RELCH: variants seen among roughly 807,000 people sequenced by gnomAD.
The protein encoded by RELCH is RAB11-binding protein RELCH.
In RELCH, 41 loss-of-function variants were observed where a neutral mutation model predicts 150.3. The observed-to-expected ratio is 0.27, with a 90% CI of 0.21 to 0.35. The LOEUF (loss-of-function observed/expected upper bound fraction) is 0.35. Among genes scored for constraint, RELCH ranks in the 10% least tolerant of loss-of-function variants. The probability of loss-of-function intolerance (pLI) is 1.00; values close to 1 mark genes in which losing one functional copy is unlikely to be tolerated. For missense variants in RELCH, 1,092 were observed against 1,467.8 expected (o/e 0.74, Z 4.18); for synonymous variants, 478 against 531.8 (o/e 0.90, Z 1.39).
At position 62,283,993 on chromosome 18, in the gene RELCH, A is replaced by C. The variant is rs189308493; in HGVS notation, c.3253+1549A>C. ...CTGTGTGCCGTGTCATATAGTTAAAACTTTTCTAGAGCATGATTTGACCTT... is the reference window on the plus strand; with the variant it reads ...CTGTGTGCCGTGTCATATAGTTAAACCTTTTCTAGAGCATGATTTGACCTT... On this transcript the variant is annotated intron_variant, in intron 25 of 28. Coordinates refer to ENST00000644646, the MANE Select transcript of RELCH (RefSeq NM_001346231.2). Among the ~76,000 whole-genome samples, 28 of 152,248 alleles carry C rather than the reference A, an allele frequency of 1.8e-4. 1 individual carries two copies. The highest frequency in any genetic ancestry group is 3.4e-3 in the Middle Eastern group (1 of 294).
intron 15 of RELCH, among the ~76,000 whole-genome samples, chr18:62,260,193 C>CAAAAAAAAAAAAAAAAAAAAAA (rs377119786): frequency 6.3e-5 from 6 of 95,802 alleles, no homozygotes; most frequent in African/African-American, 1.2e-4. Flanking sequence ...AACTCAACAG[C>CAAAAAAAAAAAAAAAAAAAAAA]AAAAAAAAAA....
intron 27 of RELCH, among the ~76,000 whole-genome samples, chr18:62,297,614 T>C (rs1188619489): frequency 1.3e-5 from 2 of 152,226 alleles, no homozygotes; most frequent in African/African-American, 2.4e-5. Context: ...GTTTCCCACA[T>C]GATGCATGAT....
intron 1 of RELCH, among the ~76,000 whole-genome samples, chr18:62,200,307 G>A (rs993968943): frequency 6.6e-6 from 1 of 152,232 alleles, no homozygotes; most frequent in South Asian, 2.1e-4. Flanking sequence ...GCTTCCTTAA[G>A]GCAAGGACAA....
chr18:62,187,894 ACTT>A lies in RELCH; in HGVS notation c.392_394del (p.Phe131del). The A allele has an allele frequency of 1.3e-6, 2 of 1,595,590 alleles. No individual in the cohort carries two copies. Among genetic ancestry groups the A allele is most frequent in the Non-Finnish European group, 1.7e-6 (2 of 1,171,964 alleles). On this transcript the variant is annotated inframe_deletion, in exon 1 of 29. Transcript: ENST00000644646. The stretch of plus-strand genomic sequence containing the variant: ...CGGGAGCTGCCTCGGCTGCGCGACT[ACTT>A]CTCCAATCCAGGCAACTTCGAGAGG...
rs1288114655 is a variant in RELCH, at chr18:62,221,556, T to G, written c.858+59T>G. 9.6e-6 allele frequency: 7 copies of G among 728,406 alleles called. No homozygotes were observed. In the Admixed American group the frequency reaches 2.2e-4, roughly 23 times the overall value. 45.1% of individuals were successfully genotyped at this position (728,406 alleles called of 1,614,324 possible). ...TTCTACACTTATAATTCACTTTTTC[T>G]TTTACGTAGTTTCTTTTTTTTTTTT... On this transcript the variant is annotated intron_variant, in intron 5 of 28. Transcript: ENST00000644646.
rs781198449 is a variant in RELCH, at chr18:62,306,772, T to A, written c.*1238T>A. ...ATGTGAGGCCTTTTTGAAAAATGAATATTTTGATAAAAAGAATTCTTGTTT... is the reference window on the plus strand; with the variant it reads ...ATGTGAGGCCTTTTTGAAAAATGAAAATTTTGATAAAAAGAATTCTTGTTT... On this transcript the variant is annotated 3_prime_UTR_variant, in exon 29 of 29. Transcript: ENST00000644646. 1 of 152,610 alleles carries A rather than the reference T, an allele frequency of 6.6e-6. No homozygotes were observed. Among genetic ancestry groups the A allele is most frequent in the Non-Finnish European group, 1.5e-5 (1 of 68,016 alleles). The allele number at this position is 152,610 out of a possible 1,614,324, so 9.5% of individuals were successfully genotyped here.
chr18:62,290,175 T>G (rs1447927891), intron 26 of RELCH, among the ~76,000 whole-genome samples: 1 of 152,246 alleles, frequency 6.6e-6, no homozygotes, highest in Non-Finnish European at 1.5e-5. Flanking sequence ...GATTTTTTTC[T>G]TAGTGAAATT....
chr18:62,201,957 A>G (rs565558484), intron 1 of RELCH, among the ~76,000 whole-genome samples: 1 of 152,230 alleles, frequency 6.6e-6, no homozygotes. Flanking sequence ...AAAATATTAA[A>G]TGTAAATATA....
intron 1 of RELCH, among the ~76,000 whole-genome samples, chr18:62,194,562 CTG>C (rs964172774): frequency 1.4e-4 from 21 of 152,194 alleles, no homozygotes; most frequent in African/African-American, 5.1e-4. Context: ...TTGTATAAAA[CTG>C]TGCTCAGTAC....
At chr18:62,192,884 T>C (rs542613575) in intron 1 of RELCH, among the ~76,000 whole-genome samples, 12 of 152,232 alleles carry the variant, frequency 7.9e-5, no homozygotes, top group Non-Finnish European at 4.4e-5. Context: ...TTTGGTTCCA[T>C]ATGAATTTTA....
In RELCH at chr18:62,255,348, T is replaced by G. The variant is rs1200294856; in HGVS notation, c.1825-59T>G. 5.3e-6 allele frequency: 6 copies of G among 1,125,390 alleles called. No homozygotes were observed. The African/African-American group carries it at 7.6e-5, about 14-fold the overall frequency. 69.7% of individuals were successfully genotyped at this position (1,125,390 alleles called of 1,614,324 possible). On this transcript the variant is annotated intron_variant, in intron 12 of 28. Transcript: ENST00000644646. Reference sequence around the variant, plus strand: ...GGATTTGTGGTGAAATGTAATTCTCTTTTGAAGGAAGGGAGGGTATGCTGT... The same window carrying G: ...GGATTTGTGGTGAAATGTAATTCTCGTTTGAAGGAAGGGAGGGTATGCTGT...
At chr18:62,303,775 A>G (rs1356936450) in intron 28 of RELCH, among the ~76,000 whole-genome samples, 2 of 152,214 alleles carry the variant, frequency 1.3e-5, no homozygotes, top group Non-Finnish European at 1.5e-5. Flanking sequence ...AAAACAAGAA[A>G]TAGATTGCTA....
At chr18:62,220,997 G>C (rs754162068) in intron 2 of RELCH, 40 bp from the exon 3 acceptor site, 1 of 1,496,514 alleles carries the variant, frequency 6.7e-7, no homozygotes, top group Non-Finnish European at 9.2e-7. Context: ...CCTTTTCTTG[G>C]TTGGATGCCT....
At chr18:62,220,473 T>C (rs1365543463) in intron 2 of RELCH, among the ~76,000 whole-genome samples, 2 of 151,826 alleles carry the variant, frequency 1.3e-5, no homozygotes, top group African/African-American at 4.8e-5. Context: ...TTGTTAAATA[T>C]TGAAACCATA....
Position 62,187,874 on chromosome 18 carries a change from G to C in RELCH, c.369G>C (p.Glu123Asp), listed in dbSNP as rs776312628. 26 of 1,592,708 alleles carry C rather than the reference G, an allele frequency of 1.6e-5. No individual in the cohort carries two copies. Among genetic ancestry groups the C allele is most frequent in the Non-Finnish European group, 2.1e-5 (25 of 1,170,462 alleles). The change falls in exon 1 of 29, where the codon GAG becomes GAC. Residue 123 changes from glutamate to aspartate, a missense_variant. By Grantham distance (45) the Glu-to-Asp change is conservative. Coordinates refer to ENST00000644646, the MANE Select transcript of RELCH (RefSeq NM_001346231.2). Reference protein sequence around the residue: ...LHTELLESGRELPRLRDYFSN... With the variant: ...LHTELLESGRDLPRLRDYFSN... ...CCGAGCTGTTAGAGAGTGGCCGGGA[G>C]CTGCCTCGGCTGCGCGACTACTTCT...
rs1372263381 is a variant in RELCH at position 62,306,344 on chromosome 18, AT to A, written c.*812del. ...TAAATGTAACTGAGAAGAGTTAATA[AT>A]TGTGAGATTTTTCCCAAATTGAGAT... On this transcript the variant is annotated 3_prime_UTR_variant, in exon 29 of 29. Transcript: ENST00000644646. 6 of 152,200 alleles carry A rather than the reference AT, an allele frequency of 3.9e-5. No homozygotes were observed. Among genetic ancestry groups the A allele is most frequent in the African/African-American group, 1.2e-4 (5 of 41,452 alleles). The allele number at this position is 152,200 out of a possible 1,614,324, so 9.4% of individuals were successfully genotyped here.
rs747340460 is a variant in RELCH at position 62,188,178 on chromosome 18, G to A, written c.526+147G>A. ...GGGGTGGGGGCGCTCTTTTGCGGTG[G>A]AAGCAAGAGGATCAGGCAATGACTG... is the stretch of plus-strand genomic sequence containing the variant. On this transcript the variant is annotated intron_variant, in intron 1 of 28. Transcript: ENST00000644646. The A allele has an allele frequency of 9.7e-5, 91 of 942,088 alleles. No homozygotes were observed. In the Admixed American group the frequency reaches 1.1e-3, roughly 12 times the overall value. The allele number at this position is 942,088 out of a possible 1,614,324, so 58.4% of individuals were successfully genotyped here.
At position 62,308,001 on chromosome 18, in the gene RELCH, TGTGA is replaced by T. The variant is rs763805460; in HGVS notation, c.*2470_*2473del. On this transcript the variant is annotated 3_prime_UTR_variant, in exon 29 of 29. Coordinates refer to ENST00000644646, the MANE Select transcript of RELCH (RefSeq NM_001346231.2). ...AATTGATTTTCAACCTGAACGAAAT[TGTGA>T]GTAATTTAAGTCATGCCATCCTCAT... 2.0e-5 allele frequency: 3 copies of T among 152,200 alleles called. No individual in the cohort carries two copies. Among genetic ancestry groups the T allele is most frequent in the Non-Finnish European group, 2.9e-5 (2 of 68,028 alleles). The allele number at this position is 152,200 out of a possible 1,614,324, so 9.4% of individuals were successfully genotyped here. A position where few individuals can be genotyped will look rare whatever the true frequency, so the allele number is the denominator to read the frequency against.
At chr18:62,242,772 G>A (rs970560509) in intron 10 of RELCH, among the ~76,000 whole-genome samples, 4 of 152,104 alleles carry the variant, frequency 2.6e-5, no homozygotes, top group Admixed American at 1.3e-4. Flanking sequence ...AGGATAAAGA[G>A]CAACACAGTT....
Sources: allele counts gnomAD v4.1 joint callset (sites outside exome capture counted in the v4.1 genomes callset), GRCh38; gene constraint gnomAD v4.1.1; transcripts MANE v1.5; gene names NCBI Gene and HGNC (gene_info 2026-07-23, HGNC 2026-07-21).